GCNT2: variants seen among roughly 807,000 people sequenced by gnomAD.
The protein encoded by GCNT2 is glucosaminyl (N-acetyl) transferase 2 (I blood group).
In GCNT2, 34 loss-of-function variants were observed where a neutral mutation model predicts 34.2. That is an observed-to-expected ratio of 1.00 (90% CI 0.76 to 1.32). GCNT2 has a LOEUF of 1.32. Among genes scored for constraint, GCNT2 ranks in the 40% most tolerant of loss-of-function variants. The probability of loss-of-function intolerance (pLI) is 0.00; values close to 1 mark genes in which losing one functional copy is unlikely to be tolerated. For synonymous variants in GCNT2, 212 were observed against 188.0 expected (o/e 1.13, Z -1.04); for missense variants, 584 against 489.4 (o/e 1.19, Z -1.82).
At chr6:10,621,956 C>T (rs538629297) in intron 4 of GCNT2, among the ~76,000 whole-genome samples, 1 of 152,184 alleles carries the variant, frequency 6.6e-6, no homozygotes, top group East Asian at 1.9e-4. Flanking sequence ...GAGGCGAAAG[C>T]CATCAGGAGG....
At chr6:10,531,131 C>T (rs1331728139) in intron 3 of GCNT2, among the ~76,000 whole-genome samples, 3 of 152,034 alleles carry the variant, frequency 2.0e-5, no homozygotes, top group Non-Finnish European at 4.4e-5. Context: ...TCAAATCCCA[C>T]AGCTAGTAAG....
Position 10,595,949 on chromosome 6 carries a change from G to A in GCNT2, c.926-25402G>A, listed in dbSNP as rs143673768. Among the ~76,000 whole-genome samples, 873 of 152,290 alleles carry A rather than the reference G, an allele frequency of 5.7e-3. 13 individuals are homozygous for A. Among genetic ancestry groups the A allele is most frequent in the East Asian group, 0.028 (145 of 5,186 alleles). ...AACTCAAAGCAAAAAAACCGAAAAT[G>A]TATGACAAATCTTTGAGTTGACACT... On this transcript the variant is annotated intron_variant, in intron 3 of 4. Transcript: ENST00000495262.
chr6:10,624,689 C>G (rs1766185172), intron 4 of GCNT2, among the ~76,000 whole-genome samples: 1 of 152,202 alleles, frequency 6.6e-6, no homozygotes, highest in Non-Finnish European at 1.5e-5. Flanking sequence ...AGTCCCTTGT[C>G]AGGTCATCCT....
At chr6:10,618,775 A>T (rs7739099) in intron 3 of GCNT2, among the ~76,000 whole-genome samples, 14,523 of 152,306 alleles carry the variant, frequency 0.095, 1,153 homozygotes, top group African/African-American at 0.21. Flanking sequence ...AAGCATCAAA[A>T]TAATTGTAAA....
At chr6:10,597,228 T>C (rs1394221663) in intron 3 of GCNT2, among the ~76,000 whole-genome samples, 1 of 145,580 alleles carries the variant, frequency 6.9e-6, no homozygotes, top group Admixed American at 7.2e-5. Flanking sequence ...TGATCTCGGC[T>C]CACTGCAACC....
chr6:10,540,742 A>G (rs1292805056), intron 3 of GCNT2, among the ~76,000 whole-genome samples: 1 of 152,212 alleles, frequency 6.6e-6, no homozygotes, highest in Non-Finnish European at 1.5e-5. Context: ...CTTCAGCATT[A>G]CAGGAAGTTT....
chr6:10,621,608 A>G, intron 4 of GCNT2, 165 bp downstream of exon 4: 2 of 661,700 alleles, frequency 3.0e-6, no homozygotes, highest in South Asian at 3.1e-5. Flanking sequence ...TTCAAAAATA[A>G]GTTTAAACAT....
At chr6:10,576,807 C>T (rs960781174) in intron 3 of GCNT2, among the ~76,000 whole-genome samples, 2 of 152,172 alleles carry the variant, frequency 1.3e-5, no homozygotes, top group African/African-American at 4.8e-5. Context: ...GATACAGTGG[C>T]TCAAGCCTGT....
At chr6:10,561,477 T>C (rs1399732764) in intron 3 of GCNT2, among the ~76,000 whole-genome samples, 1 of 152,244 alleles carries the variant, frequency 6.6e-6, no homozygotes, top group Admixed American at 6.5e-5. Flanking sequence ...AGCATTTTCA[T>C]CTGCCTATCT....
chr6:10,603,759 C>G (rs1242811918), intron 3 of GCNT2, among the ~76,000 whole-genome samples: 6 of 151,000 alleles, frequency 4.0e-5, no homozygotes, highest in Non-Finnish European at 8.8e-5. Context: ...AAGTGATCCA[C>G]CTGCCTCAGC....
chr6:10,526,945 C>A (rs1761221204), intron 1 of GCNT2, among the ~76,000 whole-genome samples: 1 of 151,970 alleles, frequency 6.6e-6, no homozygotes, highest in African/African-American at 2.4e-5. Context: ...ACCCCCATCT[C>A]TACAAAAGAG....
Position 10,618,281 on chromosome 6 carries a change from G to T in GCNT2, c.926-3070G>T, listed in dbSNP as rs571882532. Among the ~76,000 whole-genome samples, 67 of 152,278 alleles carry T rather than the reference G, an allele frequency of 4.4e-4. 1 individual carries two copies. The South Asian group carries it at 0.013, about 30-fold the overall frequency. Reference sequence around the variant, plus strand: ...ATGCATAATATGTAAGCACATACGTGTTTGACACCTGTCATCAAACAGAAA... The same window carrying T: ...ATGCATAATATGTAAGCACATACGTTTTTGACACCTGTCATCAAACAGAAA... On this transcript the variant is annotated intron_variant, in intron 3 of 4. Transcript: ENST00000495262.
At chr6:10,585,979 A>T in intron 3 of GCNT2, 1 of 1,613,678 alleles carries the variant, frequency 6.2e-7, no homozygotes, top group East Asian at 2.2e-5. Context: ...TTCCCCAGGG[A>T]AGTGAAAATA....
chr6:10,538,052 A>G (rs1389701072), intron 3 of GCNT2, among the ~76,000 whole-genome samples: 1 of 152,022 alleles, frequency 6.6e-6, no homozygotes, highest in Non-Finnish European at 1.5e-5. Flanking sequence ...CCAACATTCA[A>G]AAGTCAAAAT....
rs116150522 is a variant in GCNT2 at position 10,547,337 on chromosome 6, C to G, written c.925+17501C>G. Among the ~76,000 whole-genome samples, 1,094 of 152,298 alleles carry G rather than the reference C, an allele frequency of 7.2e-3. 7 individuals carry two copies. Among genetic ancestry groups the G allele is most frequent in the South Asian group, 0.022 (108 of 4,824 alleles). ...CTATTCCAGTGTGCATGGTTATACT[C>G]ATTATGTCCTTCATGAATCTGGGAT... is the stretch of plus-strand genomic sequence containing the variant. On this transcript the variant is annotated intron_variant, in intron 3 of 4. Coordinates refer to ENST00000495262, the MANE Select transcript of GCNT2 (RefSeq NM_145649.5).
chr6:10,536,397 C>G (rs1761754000), intron 3 of GCNT2, among the ~76,000 whole-genome samples: 1 of 151,884 alleles, frequency 6.6e-6, no homozygotes, highest in Non-Finnish European at 1.5e-5. Context: ...GCTCTGTTGC[C>G]CAGGCTGGAG....
chr6:10,545,104 A>T (rs1201403953), intron 3 of GCNT2, among the ~76,000 whole-genome samples: 1 of 152,146 alleles, frequency 6.6e-6, no homozygotes, highest in Non-Finnish European at 1.5e-5. Context: ...CTTTTTAAGA[A>T]TCAAGTGGGT....
intron 3 of GCNT2, among the ~76,000 whole-genome samples, chr6:10,538,564 T>C (rs747436522): frequency 2.0e-5 from 3 of 151,446 alleles, no homozygotes; most frequent in Non-Finnish European, 4.4e-5. Context: ...TGTTTTGTTA[T>C]GGAATAACAG....
intron 3 of GCNT2, among the ~76,000 whole-genome samples, chr6:10,561,484 A>G (rs953976646): frequency 1.4e-4 from 21 of 152,180 alleles, no homozygotes; most frequent in Admixed American, 8.5e-4. Flanking sequence ...TCATCTGCCT[A>G]TCTTCCCCAA....
Sources: gnomAD v4.1 joint callset for allele counts (sites outside exome capture counted in the v4.1 genomes callset) on GRCh38, gnomAD v4.1.1 for gene constraint, MANE v1.5 for transcripts, NCBI Gene and HGNC (gene_info 2026-07-23, HGNC 2026-07-21) for gene names.